The following ROPN1L variants were observed in gnomAD, a reference collection of about 807,000 sequenced individuals.
The protein encoded by ROPN1L is rhophilin associated tail protein 1 like, also known as ropporin-1-like protein.
Under a neutral mutation model 22.7 loss-of-function variants are expected in ROPN1L, and 23 were observed. The observed-to-expected ratio is 1.01, with a 90% CI of 0.73 to 1.43. The LOEUF (loss-of-function observed/expected upper bound fraction) is 1.43, where lower values mean the gene tolerates loss of function less well. ROPN1L is among the 40% of genes most tolerant of loss of function. The probability of loss-of-function intolerance (pLI) is 0.00; values close to 1 mark genes in which losing one functional copy is unlikely to be tolerated. For missense variants in ROPN1L, 271 were observed against 291.5 expected (o/e 0.93, Z 0.51); for synonymous variants, 116 against 117.8 (o/e 0.98, Z 0.10).
intron 2 of ROPN1L, 33 bp from the exon 3 acceptor site, chr5:10,449,919 T>C: frequency 6.3e-7 from 1 of 1,581,072 alleles, no homozygotes; most frequent in South Asian, 1.1e-5. Flanking sequence ...TTTTAAAACA[T>C]ACATAAATTG....
In ROPN1L at chr5:10,461,189, G is replaced by T; in HGVS notation, c.423G>T (p.Leu141Phe). The change falls in exon 4 of 5, where the codon TTG (leucine) becomes TTT (phenylalanine). Residue 141 changes from leucine (L) to phenylalanine (F), a missense_variant. Coordinates refer to ENST00000274134, the MANE Select transcript of ROPN1L (RefSeq NM_031916.5). ...CCTGGCTGTGGTGCTCCCAGTCCTTGAACACTGCGCTGAAGCACCTGTGCG... is the reference window on the plus strand; with the variant it reads ...CCTGGCTGTGGTGCTCCCAGTCCTTTAACACTGCGCTGAAGCACCTGTGCG... ...ALGCSMLGGS[L>F]NTALKHLCEI... The T allele has an allele frequency of 6.2e-7, 1 of 1,613,084 alleles. No homozygotes were observed. Among genetic ancestry groups the T allele is most frequent in the South Asian group, 1.1e-5 (1 of 90,974 alleles).
intron 4 of ROPN1L, among the ~76,000 whole-genome samples, chr5:10,471,517 C>T (rs530808414): frequency 8.0e-4 from 121 of 152,156 alleles, no homozygotes; most frequent in African/African-American, 2.7e-3. Flanking sequence ...ACAGGGTTTT[C>T]GAAGAAGGTT....
Position 10,464,920 on chromosome 5 carries a change from T to C in ROPN1L, c.666T>C (p.Ile222=), listed in dbSNP as rs1200366493. 1 of 1,601,904 alleles carries C rather than the reference T, an allele frequency of 6.2e-7. No homozygotes were observed. The highest frequency in any genetic ancestry group is 8.5e-7 in the Non-Finnish European group (1 of 1,172,776). The change falls in exon 5 of 5, where the codon ATT becomes ATC. Residue 222 remains isoleucine (I), a synonymous_variant. Transcript: ENST00000274134. The stretch of plus-strand genomic sequence containing the variant: ...CAAAGAGGAAACTTTTAGAAAGCAT[T>C]GAAAACTCTGAAGATGTAGGCCATT... ...FFPKRKLLES[I]ENSEDVGH is the part of the protein sequence containing the mutation.
intron 2 of ROPN1L, among the ~76,000 whole-genome samples, chr5:10,449,680 A>G (rs1289274369): frequency 1.3e-5 from 2 of 152,294 alleles, no homozygotes. Flanking sequence ...GGAGTATCGT[A>G]TACTCAATAT....
At chr5:10,453,006 G>A (rs1193410251) in intron 3 of ROPN1L, among the ~76,000 whole-genome samples, 1 of 152,188 alleles carries the variant, frequency 6.6e-6, no homozygotes, top group African/African-American at 2.4e-5. Flanking sequence ...ATTGACACCA[G>A]GAATCATGCT....
intron 1 of ROPN1L, among the ~76,000 whole-genome samples, chr5:10,443,628 C>CAAAA (rs367600820): frequency 7.0e-4 from 81 of 115,500 alleles, no homozygotes; most frequent in African/African-American, 2.3e-3. Context: ...GACTCCGTCT[C>CAAAA]AAAAAAAAAA....
At chr5:10,479,023 A>G in the ROPN1L span, among the ~76,000 whole-genome samples, 3 of 152,220 alleles carry the variant, frequency 2.0e-5, no homozygotes, top group Non-Finnish European at 2.9e-5. Context: ...CTTCGAAATC[A>G]GCTATATTTT....
Position 10,464,860 on chromosome 5 carries a change from G to A in ROPN1L, c.606G>A (p.Lys202=). Residue 202 remains lysine (K), a synonymous_variant, in exon 5 of 5, where the codon AAG becomes AAA. Transcript: ENST00000274134. ...GTTTCCAATTTAGAGACGCCAGGAA[G>A]AACGGCATGATAGGTCTTTCAGATT... ...ASLKENIDAR[K]NGMIGLSDFF... 6.3e-7 allele frequency: 1 copy of A among 1,595,880 alleles called. No individual in the cohort carries two copies.
rs923462042 is a variant in ROPN1L at position 10,451,443 on chromosome 5, G to A, written c.417+1330G>A. Among the ~76,000 whole-genome samples, 5 of 152,302 alleles carry A rather than the reference G, an allele frequency of 3.3e-5. No homozygotes were observed. The South Asian group carries it at 8.3e-4, about 25-fold the overall frequency. ...TGAAACACATGCTTCTATGTGTCCC[G>A]CAAGAGGTACACTGTGGAATTTTAG... On this transcript the variant is annotated intron_variant, in intron 3 of 4. Coordinates refer to ENST00000274134, the MANE Select transcript of ROPN1L (RefSeq NM_031916.5).
chr5:10,468,519 G>A (rs992886732), downstream of ROPN1L, among the ~76,000 whole-genome samples: 6 of 152,238 alleles, frequency 3.9e-5, no homozygotes, highest in African/African-American at 1.4e-4. Flanking sequence ...ATAGCCATAG[G>A]TAGTTGGGCT....
chr5:10,472,393 T>G (rs1735259933), downstream of ROPN1L, among the ~76,000 whole-genome samples: 1 of 152,216 alleles, frequency 6.6e-6, no homozygotes, highest in African/African-American at 2.4e-5. Context: ...AGTGCTCCCC[T>G]CCTGGCCAAA....
the ROPN1L span, among the ~76,000 whole-genome samples, chr5:10,480,045 A>C: frequency 6.6e-6 from 1 of 152,214 alleles, no homozygotes; most frequent in Non-Finnish European, 1.5e-5. Flanking sequence ...TGCCCAGCCA[A>C]CATGTCAACT....
rs1022888348 is a variant in ROPN1L, at chr5:10,442,414, C to A, written c.131+116C>A. On this transcript the variant is annotated intron_variant, in intron 1 of 4. Transcript: ENST00000274134. ...CGGCACTCAGCGTCCTTAAGAGTAT[C>A]AGGCAAAACTTTCCCCTTAGCATTG... The A allele has an allele frequency of 5.3e-6, 7 of 1,320,520 alleles. No individual in the cohort carries two copies. The African/African-American group carries it at 1.0e-4, about 19-fold the overall frequency. 81.8% of individuals were successfully genotyped at this position (1,320,520 alleles called of 1,614,324 possible). A position where few individuals can be genotyped will look rare whatever the true frequency, so the allele number is the denominator to read the frequency against.
the ROPN1L span, among the ~76,000 whole-genome samples, chr5:10,480,610 G>A: frequency 6.6e-6 from 1 of 152,134 alleles, no homozygotes; most frequent in African/African-American, 2.4e-5. Context: ...GCCAGCGAGT[G>A]TGGCCTTATG....
At chr5:10,447,057 C>G (rs1035137014) in intron 1 of ROPN1L, among the ~76,000 whole-genome samples, 2 of 152,160 alleles carry the variant, frequency 1.3e-5, no homozygotes, top group African/African-American at 4.8e-5. Context: ...TTTAGTCTAT[C>G]AGATATCGAC....
intron 1 of ROPN1L, among the ~76,000 whole-genome samples, chr5:10,442,877 A>G (rs148436181): frequency 6.6e-4 from 101 of 152,366 alleles, no homozygotes; most frequent in African/African-American, 2.3e-3. Flanking sequence ...CTTGCCAGGA[A>G]CAGACATTCA....
At chr5:10,477,935 A>C in the ROPN1L span, 1 of 152,248 alleles carries the variant, frequency 6.6e-6, no homozygotes, top group African/African-American at 2.4e-5. Flanking sequence ...GTCTAAAAAA[A>C]GAAAAAAAAC....
chr5:10,458,399 T>C (rs1734894226), intron 3 of ROPN1L, among the ~76,000 whole-genome samples: 1 of 151,748 alleles, frequency 6.6e-6, no homozygotes, highest in African/African-American at 2.4e-5. Context: ...TACACCGTCC[T>C]GCTCGTATAC....
In ROPN1L at chr5:10,461,198, G is replaced by A. The variant is rs946281720; in HGVS notation, c.432G>A (p.Ala144=). Residue 144 remains alanine, a synonymous_variant, in exon 4 of 5, where the codon GCG becomes GCA. Transcript: ENST00000274134. ...CSMLGGSLNT[A]LKHLCEILTD... is the part of the protein sequence containing the mutation. ...GGTGCTCCCAGTCCTTGAACACTGC[G>A]CTGAAGCACCTGTGCGAGATCCTCA... 1.7e-5 allele frequency: 28 copies of A among 1,613,664 alleles called. No homozygotes were observed. The highest frequency in any genetic ancestry group is 2.2e-5 in the East Asian group (1 of 44,852).
Sources: allele counts gnomAD v4.1 joint callset (sites outside exome capture counted in the v4.1 genomes callset), GRCh38; gene constraint gnomAD v4.1.1; transcripts MANE v1.5; gene names NCBI Gene and HGNC (gene_info 2026-07-23, HGNC 2026-07-21).